The following AGO3 variants were observed in gnomAD, a reference collection of about 807,000 sequenced individuals.
The protein encoded by AGO3 is protein argonaute-3.
Under a neutral mutation model 105.5 loss-of-function variants are expected in AGO3, and 16 were observed. That is an observed-to-expected ratio of 0.15 (90% CI 0.10 to 0.23). The LOEUF (loss-of-function observed/expected upper bound fraction) is 0.23, where lower values mean the gene tolerates loss of function less well. AGO3 is among the 10% of genes least tolerant of loss of function. AGO3 has a pLI of 1.00. For missense variants in AGO3, 534 were observed against 1,088.0 expected, an observed-to-expected ratio of 0.49 and a Z score of 7.16; for synonymous variants, 340 against 367.3, an observed-to-expected ratio of 0.93 and a Z score of 0.85.
chr1:35,986,078 A>C (rs758088669), intron 5 of AGO3, among the ~76,000 whole-genome samples: 6 of 152,230 alleles, frequency 3.9e-5, no homozygotes, highest in Non-Finnish European at 8.8e-5. Flanking sequence ...TGAAATACCA[A>C]ATGTTGGTGA....
chr1:35,972,039 A>T lies in AGO3; in HGVS notation c.328A>T (p.Thr110Ser). 6.2e-7 allele frequency: 1 copy of T among 1,613,952 alleles called. No individual in the cohort carries two copies. Among genetic ancestry groups the T allele is most frequent in the Non-Finnish European group, 8.5e-7 (1 of 1,180,010 alleles). The change falls in exon 4 of 19, where the codon ACT (threonine) becomes TCT (serine). Residue 110 changes from threonine (T) to serine (S), a missense_variant. Transcript: ENST00000373191. ...CCATCAACAGGTAGATTTAGACGTT[A>T]CTTTACCTGGGGAAGGTGGAAAAGA... ...VATTGVDLDV[T>S]LPGEGGKDRP...
chr1:36,040,285 C>T, intron 15 of AGO3, 22 bp from the exon 16 acceptor site: 1 of 1,606,170 alleles, frequency 6.2e-7, no homozygotes. Context: ...TATATTGAAT[C>T]TTTCCATTTC....
At chr1:35,936,646 C>T (rs563828778) in intron 1 of AGO3, among the ~76,000 whole-genome samples, 137 of 152,222 alleles carry the variant, frequency 9.0e-4, no homozygotes, top group African/African-American at 3.2e-3. Flanking sequence ...TTACATCAGC[C>T]AGTTATTTTA....
At chr1:35,998,984 G>A (rs1320060905) in intron 5 of AGO3, among the ~76,000 whole-genome samples, 1 of 152,110 alleles carries the variant, frequency 6.6e-6, no homozygotes, top group African/African-American at 2.4e-5. Flanking sequence ...CCTGTTCTGT[G>A]TGTCTAGCCC....
chr1:36,001,094 G>A (rs1044129988), intron 5 of AGO3, among the ~76,000 whole-genome samples: 15 of 151,916 alleles, frequency 9.9e-5, no homozygotes, highest in African/African-American at 2.9e-4. Context: ...AAATTAGCCG[G>A]GTGTGGTGGC....
rs3834076 is a variant in AGO3, at chr1:36,009,425, T to TA, written c.1030-40dup. 15,073 of 1,299,030 alleles carry TA rather than the reference T, an allele frequency of 0.012. 188 individuals carry two copies. In the East Asian group the frequency reaches 0.15, roughly 13 times the overall value. The allele number at this position is 1,299,030 out of a possible 1,614,324, so 80.5% of individuals were successfully genotyped here. A position where few individuals can be genotyped will look rare whatever the true frequency, so the allele number is the denominator to read the frequency against. On this transcript the variant is annotated intron_variant, in intron 8 of 18. Coordinates refer to ENST00000373191, the MANE Select transcript of AGO3 (RefSeq NM_024852.4). ...CATGTAATTGGCACTAAGTAAGAGC[T>TA]AAAAAAAAAAGATATATACATGTAG...
intron 2 of AGO3, among the ~76,000 whole-genome samples, chr1:35,964,794 T>A (rs1393827479): frequency 6.6e-5 from 10 of 152,138 alleles, no homozygotes. Context: ...GTCTGTTATT[T>A]TTTGACTTTT....
In AGO3 at chr1:36,022,032, C is replaced by T. The variant is rs368765084; in HGVS notation, c.1407-5082C>T. 8.3e-4 allele frequency among the ~76,000 whole-genome samples: 124 copies of T among 149,838 alleles called. 1 individual carries two copies. The highest frequency in any genetic ancestry group is 3.0e-3 in the African/African-American group (122 of 40,868). Reference sequence around the variant, plus strand: ...AAGCTTCTGCACATTAATAGGCATCCGCATCCTTGGATGAAACTAAGTTGG... The same window carrying T: ...AAGCTTCTGCACATTAATAGGCATCTGCATCCTTGGATGAAACTAAGTTGG... On this transcript the variant is annotated intron_variant, in intron 11 of 18. Transcript: ENST00000373191.
chr1:35,981,207 G>T (rs1647047151), intron 5 of AGO3, among the ~76,000 whole-genome samples: 1 of 152,104 alleles, frequency 6.6e-6, no homozygotes, highest in Non-Finnish European at 1.5e-5. Flanking sequence ...AAATGTCGCG[G>T]TGCCTTTTTA....
rs1259838326 is a variant in AGO3 at position 36,066,851 on chromosome 1, C to A, written c.*11106C>A. 1 of 152,130 alleles carries A rather than the reference C, an allele frequency of 6.6e-6. No homozygotes were observed. Among genetic ancestry groups the A allele is most frequent in the Admixed American group, 6.6e-5 (1 of 15,264 alleles). 9.4% of individuals were successfully genotyped at this position (152,130 alleles called of 1,614,324 possible). The stretch of plus-strand genomic sequence containing the variant: ...AGGATAAGGCTTCCTTGCTGGGATC[C>A]TTGGACAGAAACCTTACAATTGTTT... On this transcript the variant is annotated 3_prime_UTR_variant, in exon 19 of 19. Transcript: ENST00000373191.
chr1:36,001,435 C>T (rs1640078987), intron 5 of AGO3, among the ~76,000 whole-genome samples: 1 of 152,100 alleles, frequency 6.6e-6, no homozygotes, highest in Non-Finnish European at 1.5e-5. Context: ...GGATATCTTG[C>T]AGCTATGAGA....
rs760314788 is a variant in AGO3 at position 36,040,477 on chromosome 1, A to C, written c.2172+36A>C. 12 of 1,609,234 alleles carry C rather than the reference A, an allele frequency of 7.5e-6. No individual in the cohort carries two copies. The South Asian group carries it at 1.0e-4, about 13-fold the overall frequency. ...CTCTGTTGTAATACTGTTATAAACC[A>C]AGCTTATCCAACATAGTTCATAGAG... On this transcript the variant is annotated intron_variant, in intron 16 of 18. Coordinates refer to ENST00000373191, the MANE Select transcript of AGO3 (RefSeq NM_024852.4).
At chr1:36,041,718 C>A (rs1276100685) in intron 16 of AGO3, among the ~76,000 whole-genome samples, 2 of 152,130 alleles carry the variant, frequency 1.3e-5, no homozygotes, top group Non-Finnish European at 2.9e-5. Context: ...GGGTGTTTTT[C>A]TTTGCCATAC....
intron 12 of AGO3, among the ~76,000 whole-genome samples, chr1:36,033,093 G>A (rs571819419): frequency 8.6e-5 from 13 of 151,596 alleles, no homozygotes; most frequent in East Asian, 3.9e-4. Context: ...AGATTGCGCC[G>A]TTGCACTCCA....
intron 2 of AGO3, among the ~76,000 whole-genome samples, chr1:35,952,451 C>A (rs564465598): frequency 6.6e-6 from 1 of 152,120 alleles, no homozygotes; most frequent in South Asian, 2.1e-4. Flanking sequence ...CCGGATATTT[C>A]TTATAAATGG....
chr1:36,036,479 C>G (rs1435756284), intron 14 of AGO3, among the ~76,000 whole-genome samples: 1 of 152,118 alleles, frequency 6.6e-6, no homozygotes, highest in Non-Finnish European at 1.5e-5. Flanking sequence ...TTCAAATCTT[C>G]TGTATTATAC....
rs1014697186 is a variant in AGO3 at position 36,027,358 on chromosome 1, C to T, written c.1591+60C>T. 4 of 1,402,752 alleles carry T rather than the reference C, an allele frequency of 2.9e-6. No individual in the cohort carries two copies. Among genetic ancestry groups the T allele is most frequent in the Non-Finnish European group, 3.8e-6 (4 of 1,042,704 alleles). The allele number at this position is 1,402,752 out of a possible 1,614,324, so 86.9% of individuals were successfully genotyped here. On this transcript the variant is annotated intron_variant, in intron 12 of 18. Coordinates refer to ENST00000373191, the MANE Select transcript of AGO3 (RefSeq NM_024852.4). This position sits in a 1 kb window ranked among gnomAD's most constrained non-coding sequence, Gnocchi z 4.0. ...TACTTGATGTCCTTTTAGGATTATACTGAAACATATCCTAAAACTTTCAAA... is the reference window on the plus strand; with the variant it reads ...TACTTGATGTCCTTTTAGGATTATATTGAAACATATCCTAAAACTTTCAAA...
intron 5 of AGO3, among the ~76,000 whole-genome samples, chr1:35,980,653 G>C (rs1333692573): frequency 6.6e-6 from 1 of 152,172 alleles, no homozygotes; most frequent in African/African-American, 2.4e-5. Context: ...GTACCTTGTA[G>C]GTATTTTTCC....
chr1:35,961,338 A>G (rs1318679540), intron 2 of AGO3, among the ~76,000 whole-genome samples: 1 of 152,122 alleles, frequency 6.6e-6, no homozygotes, highest in Admixed American at 6.6e-5. Flanking sequence ...CTTCCCTGAC[A>G]GTTGGTCATA....
Sources: allele counts gnomAD v4.1 joint callset (sites outside exome capture counted in the v4.1 genomes callset), GRCh38; gene constraint gnomAD v4.1.1; non-coding constraint Gnocchi (gnomAD v3.1); transcripts MANE v1.5; gene names NCBI Gene and HGNC (gene_info 2026-07-23, HGNC 2026-07-21).